PLD5: variants seen among roughly 807,000 people sequenced by gnomAD.
The protein encoded by PLD5 is phospholipase D family member 5.
PLD5 carries 36 observed loss-of-function variants against 61.1 expected under a neutral mutation model. That is an observed-to-expected ratio of 0.59 (90% confidence interval 0.45 to 0.78). The LOEUF is 0.78. Among genes scored for constraint, PLD5 ranks in the 30% least tolerant of loss-of-function variants. The pLI, the probability that PLD5 is intolerant of heterozygous loss-of-function variation, is 0.00. For synonymous variants in PLD5, 243 were observed against 242.8 expected (o/e 1.00, Z -0.01); for missense variants, 515 against 644.4 (o/e 0.80, Z 2.17).
chr1:242,207,852 TTA>T (rs1203018484), intron 5 of PLD5, among the ~76,000 whole-genome samples: 954 of 27,810 alleles, frequency 0.034, 201 homozygotes, highest in African/African-American at 0.1. Context: ...TTATATATAT[TTA>T]TATATTTATA....
At chr1:242,280,085 A>T (rs1438405127) in intron 3 of PLD5, among the ~76,000 whole-genome samples, 1 of 152,250 alleles carries the variant, frequency 6.6e-6, no homozygotes, top group Non-Finnish European at 1.5e-5. Flanking sequence ...ATCTAATTGA[A>T]TTCACCAAGC....
intron 1 of PLD5, among the ~76,000 whole-genome samples, chr1:242,513,875 C>A (rs142388860): frequency 2.0e-5 from 3 of 152,344 alleles, no homozygotes; most frequent in African/African-American, 7.2e-5. Flanking sequence ...CTTGCTCAGA[C>A]TCACCAGATC....
chr1:242,303,078 G>A (rs564596913), intron 2 of PLD5, among the ~76,000 whole-genome samples: 79 of 152,304 alleles, frequency 5.2e-4, no homozygotes, highest in African/African-American at 1.8e-3. Context: ...CAGAATCTGT[G>A]ATGAACAATT....
At chr1:242,407,331 T>C (rs1360087672) in intron 1 of PLD5, among the ~76,000 whole-genome samples, 1 of 152,170 alleles carries the variant, frequency 6.6e-6, no homozygotes, top group East Asian at 1.9e-4. Context: ...CTTGGGTATG[T>C]CTTTATTAGC....
At chr1:242,251,630 G>T (rs1000868063) in intron 4 of PLD5, among the ~76,000 whole-genome samples, 8 of 152,118 alleles carry the variant, frequency 5.3e-5, no homozygotes, top group Non-Finnish European at 1.0e-4. Context: ...GGAGAAAAGG[G>T]CAGGCATTGG....
intron 1 of PLD5, among the ~76,000 whole-genome samples, chr1:242,426,747 A>G (rs1263181868): frequency 6.6e-6 from 1 of 152,216 alleles, no homozygotes; most frequent in African/African-American, 2.4e-5. Flanking sequence ...ACACAAATCT[A>G]TTCTTAGATC....
At chr1:242,385,631 C>A (rs1662555572) in intron 1 of PLD5, among the ~76,000 whole-genome samples, 1 of 152,152 alleles carries the variant, frequency 6.6e-6, no homozygotes, top group Non-Finnish European at 1.5e-5. Context: ...CCCCCACGAC[C>A]TGGTGTTGGG....
intron 5 of PLD5, among the ~76,000 whole-genome samples, chr1:242,174,428 G>T (rs1443006500): frequency 6.6e-6 from 1 of 152,030 alleles, no homozygotes; most frequent in East Asian, 1.9e-4. Context: ...TGGAGAAATA[G>T]GAACACTTTT....
At chr1:242,447,096 TC>T (rs1175760673) in intron 1 of PLD5, among the ~76,000 whole-genome samples, 4 of 152,256 alleles carry the variant, frequency 2.6e-5, no homozygotes, top group Admixed American at 2.6e-4. Context: ...CATTATGTCC[TC>T]GCTATTTGTA....
chr1:242,115,626 T>C (rs1046933312), intron 6 of PLD5, among the ~76,000 whole-genome samples: 2 of 151,302 alleles, frequency 1.3e-5, no homozygotes, highest in Admixed American at 6.6e-5. Context: ...TGTGATGATG[T>C]GGGCATAAAA....
Position 242,394,286 on chromosome 1 carries a change from A to ATATGAG in PLD5, c.190-46050_190-46045dup, listed in dbSNP as rs1409621072. ...AGTATGAGTATATATATGTGTATATATATGAGTATATATATGAGTATATAT... is the reference window on the plus strand; with the variant it reads ...AGTATGAGTATATATATGTGTATATATATGAGTATGAGTATATATATGAGTATATAT... On this transcript the variant is annotated intron_variant, in intron 1 of 9. Coordinates refer to ENST00000536534, the MANE Select transcript of PLD5 (RefSeq NM_001372062.1). Among the ~76,000 whole-genome samples, 92 of 96,744 alleles carry ATATGAG rather than the reference A, an allele frequency of 9.5e-4. 15 individuals are homozygous for ATATGAG. Among genetic ancestry groups the ATATGAG allele is most frequent in the Non-Finnish European group, 5.7e-4 (29 of 50,626 alleles). The allele number at this position is 96,744 out of a possible 152,430, so 63.5% of individuals were successfully genotyped here. A position where few individuals can be genotyped will look rare whatever the true frequency, so the allele number is the denominator to read the frequency against.
chr1:242,214,669 C>T (rs1406414314), intron 5 of PLD5, among the ~76,000 whole-genome samples: 1 of 152,052 alleles, frequency 6.6e-6, no homozygotes, highest in Non-Finnish European at 1.5e-5. Flanking sequence ...CTACAATGCC[C>T]AGATTGCCAG....
chr1:242,131,296 C>G (rs1188889600), intron 5 of PLD5, among the ~76,000 whole-genome samples: 4 of 151,978 alleles, frequency 2.6e-5, no homozygotes, highest in Non-Finnish European at 4.4e-5. Context: ...CAGAGTGAGA[C>G]TCTGTCTCAA....
At chr1:242,333,170 A>T (rs555998840) in intron 2 of PLD5, among the ~76,000 whole-genome samples, 1 of 152,314 alleles carries the variant, frequency 6.6e-6, no homozygotes, top group Non-Finnish European at 1.5e-5. Flanking sequence ...TTCAGGCAGC[A>T]GGGGACTTGA....
chr1:242,400,195 A>C (rs1165513032), intron 1 of PLD5, among the ~76,000 whole-genome samples: 1 of 152,104 alleles, frequency 6.6e-6, no homozygotes, highest in Non-Finnish European at 1.5e-5. Flanking sequence ...AAAGAAAAAA[A>C]AAAAAGAATC....
chr1:242,143,319 C>A (rs150488398), intron 5 of PLD5, among the ~76,000 whole-genome samples: 98 of 152,228 alleles, frequency 6.4e-4, no homozygotes, highest in African/African-American at 2.1e-3. Context: ...TCTCAAAGTG[C>A]TGGGATTACA....
intron 5 of PLD5, among the ~76,000 whole-genome samples, chr1:242,157,180 C>T (rs1243601788): frequency 3.9e-5 from 6 of 152,038 alleles, no homozygotes; most frequent in Non-Finnish European, 5.9e-5. Context: ...ACAAAGTTCT[C>T]GTGCTATGTT....
intron 8 of PLD5, among the ~76,000 whole-genome samples, chr1:242,106,721 G>A (rs1342768863): frequency 6.6e-6 from 1 of 152,184 alleles, no homozygotes; most frequent in Non-Finnish European, 1.5e-5. Context: ...CGGAGCCCTT[G>A]ATACCCTGGG....
intron 5 of PLD5, among the ~76,000 whole-genome samples, chr1:242,209,801 T>C (rs193154483): frequency 4.6e-5 from 7 of 152,304 alleles, no homozygotes; most frequent in Admixed American, 2.6e-4. Flanking sequence ...GGGTTGTTTG[T>C]TGTTCATCTT....
Sources: gnomAD v4.1 joint callset for allele counts (sites outside exome capture counted in the v4.1 genomes callset) on GRCh38, gnomAD v4.1.1 for gene constraint, MANE v1.5 for transcripts, NCBI Gene and HGNC (gene_info 2026-07-23, HGNC 2026-07-21) for gene names.